TLK1: variants seen among roughly 807,000 people sequenced by gnomAD.
TLK1 encodes the protein tousled like kinase 1, also known as serine/threonine-protein kinase tousled-like 1.
TLK1 carries 24 observed loss-of-function variants against 105.3 expected under a neutral mutation model. The observed-to-expected ratio is 0.23, with a 90% CI of 0.17 to 0.32. The LOEUF (loss-of-function observed/expected upper bound fraction) is 0.32, where lower values mean the gene tolerates loss of function less well. TLK1 is among the 10% of genes least tolerant of loss of function. The probability of loss-of-function intolerance (pLI) is 1.00; values close to 1 mark genes in which losing one functional copy is unlikely to be tolerated. For synonymous variants in TLK1, 321 were observed against 310.4 expected, an observed-to-expected ratio of 1.03 and a Z score of -0.36; for missense variants, 558 against 910.5, an observed-to-expected ratio of 0.61 and a Z score of 4.98.
intron 1 of TLK1, among the ~76,000 whole-genome samples, chr2:171,133,758 ATTTTT>A (rs552762859): frequency 6.9e-6 from 1 of 144,424 alleles, no homozygotes. Flanking sequence ...CAGACTTCTG[ATTTTT>A]TTTTTTTTTT....
intron 11 of TLK1, among the ~76,000 whole-genome samples, chr2:171,038,227 A>G (rs1031880671): frequency 6.6e-6 from 1 of 152,166 alleles, no homozygotes; most frequent in Non-Finnish European, 1.5e-5. Flanking sequence ...TTAAAAATCA[A>G]TCATATCAAT....
rs527872780 is a variant in TLK1, at chr2:170,998,591, T to C, written c.1905-768A>G. ...TGCTTCTCCCCAGGTGGCTCTGCTT[T>C]TCTCTGTGTTACTGCAGAATGGTGC... On this transcript the variant is annotated intron_variant, in intron 18 of 20. Transcript: ENST00000431350. 5.9e-5 allele frequency among the ~76,000 whole-genome samples: 9 copies of C among 152,294 alleles called. No homozygotes were observed. The East Asian group carries it at 1.5e-3, about 26-fold the overall frequency.
intron 1 of TLK1, among the ~76,000 whole-genome samples, chr2:171,121,732 G>A (rs1690663951): frequency 6.6e-6 from 1 of 152,156 alleles, no homozygotes; most frequent in African/African-American, 2.4e-5. Flanking sequence ...ATTTACCATG[G>A]AAGATGAGGG....
intron 18 of TLK1, among the ~76,000 whole-genome samples, chr2:170,998,985 C>CG (rs1684220547): frequency 6.6e-6 from 1 of 152,122 alleles, no homozygotes; most frequent in African/African-American, 2.4e-5. Context: ...AAGCTGGTCT[C>CG]GAACTACTGG....
At chr2:171,156,905 A>C (rs1260085339) in intron 1 of TLK1, among the ~76,000 whole-genome samples, 1 of 152,164 alleles carries the variant, frequency 6.6e-6, no homozygotes, top group Non-Finnish European at 1.5e-5. Context: ...ATCTAGGCTT[A>C]CCGCAGCCTC....
At chr2:170,994,708 C>T (rs548963066) in intron 20 of TLK1, 2 of 517,896 alleles carry the variant, frequency 3.9e-6, no homozygotes, top group South Asian at 2.8e-5. Flanking sequence ...TGTCCCCAGT[C>T]GAACCTGGGT....
chr2:171,230,014 A>C (rs1693963923), intron 1 of TLK1, among the ~76,000 whole-genome samples: 1 of 151,612 alleles, frequency 6.6e-6, no homozygotes, highest in East Asian at 2.0e-4. Context: ...ATTCCAGAAA[A>C]ATGCAAATTA....
chr2:171,097,542 A>G (rs1469049363), intron 2 of TLK1, among the ~76,000 whole-genome samples: 2 of 152,252 alleles, frequency 1.3e-5, no homozygotes, highest in Non-Finnish European at 2.9e-5. Context: ...GACAATCTAC[A>G]TAATGGGACA....
chr2:171,057,419 A>G (rs1017024521), intron 5 of TLK1, among the ~76,000 whole-genome samples: 55 of 152,144 alleles, frequency 3.6e-4, no homozygotes, highest in African/African-American at 1.3e-3. Context: ...TTCAAGAGAC[A>G]TTTGTTGATT....
intron 3 of TLK1, among the ~76,000 whole-genome samples, chr2:171,080,838 G>C (rs1158606437): frequency 6.6e-6 from 1 of 151,896 alleles, no homozygotes; most frequent in Non-Finnish European, 1.5e-5. Flanking sequence ...CTCTCGAGTA[G>C]ATGGGACTAC....
At chr2:171,172,601 C>G (rs1376962115) in intron 1 of TLK1, among the ~76,000 whole-genome samples, 2 of 151,974 alleles carry the variant, frequency 1.3e-5, no homozygotes, top group Non-Finnish European at 2.9e-5. Flanking sequence ...TTTTCTCCTC[C>G]GTGCTGTTCT....
intron 1 of TLK1, among the ~76,000 whole-genome samples, chr2:171,193,572 A>C (rs1378095290): frequency 6.9e-6 from 1 of 144,346 alleles, no homozygotes; most frequent in African/African-American, 2.6e-5. Flanking sequence ...AATTTTTTAT[A>C]TTTTTTCTTT....
At chr2:171,225,252 T>TATTATATATATATA (rs1453876232) in intron 1 of TLK1, among the ~76,000 whole-genome samples, 1 of 152,184 alleles carries the variant, frequency 6.6e-6, no homozygotes, top group Non-Finnish European at 1.5e-5. Flanking sequence ...AAGGGTCTTG[T>TATTATATATATATA]ATGCAGAATA....
rs1456621895 is a variant in TLK1 at position 171,049,936 on chromosome 2, C to T, written c.858G>A (p.Lys286=). 2 of 1,611,116 alleles carry T rather than the reference C, an allele frequency of 1.2e-6. No homozygotes were observed. The highest frequency in any genetic ancestry group is 1.3e-5 in the African/African-American group (1 of 74,568). ...KLLIEKSTQE[K]LSSREKSMQD... Reference sequence around the variant, plus strand: ...GCATACTCTTCTCTCTGCTTGACAGCTTTTCTTGTGTACTCTGAAAAGGAG... The same window carrying T: ...GCATACTCTTCTCTCTGCTTGACAGTTTTTCTTGTGTACTCTGAAAAGGAG... Residue 286 remains lysine (K), a synonymous_variant, in exon 10 of 21, where the codon AAG becomes AAA. Coordinates refer to ENST00000431350, the MANE Select transcript of TLK1 (RefSeq NM_012290.5).
At chr2:171,082,636 C>A (rs1688803434) in intron 3 of TLK1, 145 bp downstream of exon 3, 1 of 677,406 alleles carries the variant, frequency 1.5e-6, no homozygotes, top group South Asian at 1.8e-5. Flanking sequence ...TGTTGTGCTT[C>A]ATAAGGCAGA....
At chr2:170,995,853 C>A (rs1031868671) in intron 20 of TLK1, among the ~76,000 whole-genome samples, 1 of 152,134 alleles carries the variant, frequency 6.6e-6, no homozygotes. Context: ...AAGGCACGGG[C>A]CCCTACACCG....
chr2:171,117,589 T>G lies in TLK1; in HGVS notation c.258+150A>C, dbSNP rs907058759. ...GCCCCTGAAATATGGTATACTACAT[T>G]AAAAACGCATTTATGAACACTGATC... On this transcript the variant is annotated intron_variant, in intron 2 of 20. Coordinates refer to ENST00000431350, the MANE Select transcript of TLK1 (RefSeq NM_012290.5). 3 of 642,328 alleles carry G rather than the reference T, an allele frequency of 4.7e-6. No homozygotes were observed. In the African/African-American group the frequency reaches 5.6e-5, roughly 12 times the overall value. 39.8% of individuals were successfully genotyped at this position (642,328 alleles called of 1,614,324 possible). A position where few individuals can be genotyped will look rare whatever the true frequency, so the allele number is the denominator to read the frequency against.
At chr2:171,145,416 CCT>C (rs1161750799) in intron 1 of TLK1, among the ~76,000 whole-genome samples, 4 of 151,926 alleles carry the variant, frequency 2.6e-5, no homozygotes, top group African/African-American at 9.7e-5. Flanking sequence ...ATGGTGAAAC[CCT>C]GTCTCTACTA....
At chr2:171,193,699 C>CTTTTT (rs1558986605) in intron 1 of TLK1, among the ~76,000 whole-genome samples, 2 of 103,226 alleles carry the variant, frequency 1.9e-5, no homozygotes, top group African/African-American at 4.0e-5. Flanking sequence ...CAGCGCCTGG[C>CTTTTT]ATTTTTTTTT....
Sources: gnomAD v4.1 joint callset for allele counts (sites outside exome capture counted in the v4.1 genomes callset) on GRCh38, gnomAD v4.1.1 for gene constraint, MANE v1.5 for transcripts, NCBI Gene and HGNC (gene_info 2026-07-23, HGNC 2026-07-21) for gene names.